The following GCH1 variants were observed in gnomAD, a reference collection of about 807,000 sequenced individuals.
GCH1 encodes the protein GTP cyclohydrolase I.
A neutral mutation model predicts 25.9 loss-of-function variants in GCH1; 5 were observed. The ratio of observed to expected loss-of-function variants is 0.19; its 90% CI spans 0.10 to 0.41. The LOEUF (loss-of-function observed/expected upper bound fraction) is 0.41. Ranked by LOEUF, GCH1 falls within the 10% of genes least tolerant of loss-of-function variation. The probability of loss-of-function intolerance (pLI) is 1.00; values close to 1 mark genes in which losing one functional copy is unlikely to be tolerated. For synonymous variants in GCH1, 159 were observed against 129.6 expected, an observed-to-expected ratio of 1.23 and a Z score of -1.54; for missense variants, 261 against 336.5, an observed-to-expected ratio of 0.78 and a Z score of 1.75.
chr14:54,902,586 A>T lies in GCH1; in HGVS notation c.78T>A (p.Asp26Glu). 1 of 1,495,302 alleles carries T rather than the reference A, an allele frequency of 6.7e-7. No homozygotes were observed. The highest frequency in any genetic ancestry group is 8.9e-7 in the Non-Finnish European group (1 of 1,124,628). 92.6% of individuals were successfully genotyped at this position (1,495,302 alleles called of 1,614,324 possible). Residue 26 changes from aspartate (D) to glutamate (E), a missense_variant, in exon 1 of 6, where the codon GAT (aspartate) becomes GAA (glutamate). Coordinates refer to ENST00000491895, the MANE Select transcript of GCH1 (RefSeq NM_000161.3). ...GCCTGCTGGGCCCGGGCCGCGGCGG[A>T]TCCCGCTCGGGGAACCCATTGCTGC... ...ARCSNGFPER[D>E]PPRPGPSRPA...
chr14:54,878,194 G>GT, intron 1 of GCH1: 1 of 154,656 alleles, frequency 6.5e-6, no homozygotes, highest in South Asian at 2.0e-4. Context: ...TGAACCCATA[G>GT]TATAGGAATT....
chr14:54,887,902 G>A (rs950077006), intron 1 of GCH1, among the ~76,000 whole-genome samples: 1 of 152,140 alleles, frequency 6.6e-6, no homozygotes, highest in Non-Finnish European at 1.5e-5. Flanking sequence ...AAATACATGA[G>A]ACTAACAGTG....
Position 54,843,381 on chromosome 14 carries a change from T to C in GCH1, c.*636A>G. On this transcript the variant is annotated 3_prime_UTR_variant, in exon 6 of 6. Transcript: ENST00000491895. ...AACAACACCAGGAACTAATTCCCTA[T>C]TCTTGAATTTAAAAACAATAGAAGG... The C allele has an allele frequency of 7.2e-6, 9 of 1,244,262 alleles. No homozygotes were observed. The highest frequency in any genetic ancestry group is 9.1e-6 in the Non-Finnish European group (9 of 994,376). The allele number at this position is 1,244,262 out of a possible 1,614,324, so 77.1% of individuals were successfully genotyped here.
At chr14:54,853,108 C>T (rs913830810) in intron 3 of GCH1, among the ~76,000 whole-genome samples, 4 of 152,086 alleles carry the variant, frequency 2.6e-5, no homozygotes, top group African/African-American at 7.2e-5. Context: ...GGACTACAGG[C>T]GTGTGCCACC....
intron 3 of GCH1, among the ~76,000 whole-genome samples, chr14:54,849,552 A>G (rs10133662): frequency 0.44 from 66,832 of 151,988 alleles, 16,555 homozygotes; most frequent in African/African-American, 0.68. Context: ...ATAAGTATAT[A>G]CTGCAATTTA....
At chr14:54,895,880 A>C (rs923026133) in intron 1 of GCH1, among the ~76,000 whole-genome samples, 25 of 152,178 alleles carry the variant, frequency 1.6e-4, no homozygotes, top group Non-Finnish European at 1.5e-5. Flanking sequence ...AAACCTATAC[A>C]ACCCTGACAC....
chr14:54,867,755 T>C (rs1047936741), intron 1 of GCH1, among the ~76,000 whole-genome samples: 4 of 152,172 alleles, frequency 2.6e-5, no homozygotes, highest in Non-Finnish European at 4.4e-5. Context: ...TTTAGAACTA[T>C]GCAGGCGGAG....
chr14:54,843,061 A>G lies in GCH1; in HGVS notation c.*956T>C, dbSNP rs1457966663. 1 of 1,148,152 alleles carries G rather than the reference A, an allele frequency of 8.7e-7. No homozygotes were observed. Among genetic ancestry groups the G allele is most frequent in the South Asian group, 1.2e-5 (1 of 80,830 alleles). The allele number at this position is 1,148,152 out of a possible 1,614,324, so 71.1% of individuals were successfully genotyped here. A position where few individuals can be genotyped will look rare whatever the true frequency, so the allele number is the denominator to read the frequency against. ...AAGCTATGGTTCTGCAGACCTGAAA[A>G]TGATGGGCACTCTCAAATGTTTCTG... On this transcript the variant is annotated 3_prime_UTR_variant, in exon 6 of 6. Transcript: ENST00000491895.
At position 54,898,992 on chromosome 14, in the gene GCH1, CACAA is replaced by C. The variant is rs200221050; in HGVS notation, c.343+3325_343+3328del. Among the ~76,000 whole-genome samples the C allele has an allele frequency of 8.2e-3, 1,245 of 152,212 alleles. 17 individuals carry two copies. Among genetic ancestry groups the C allele is most frequent in the African/African-American group, 0.029 (1,196 of 41,512 alleles). On this transcript the variant is annotated intron_variant, in intron 1 of 5. Transcript: ENST00000491895. ...GGGAGACGAGAGGAAAAAACTAAGA[CACAA>C]ACAAACACATTACTCTAGGCCTACA...
Position 54,843,058 on chromosome 14 carries a change from A to C in GCH1, c.*959T>G, listed in dbSNP as rs1360855037. On this transcript the variant is annotated 3_prime_UTR_variant, in exon 6 of 6. Coordinates refer to ENST00000491895, the MANE Select transcript of GCH1 (RefSeq NM_000161.3). ...TGGAAGCTATGGTTCTGCAGACCTG[A>C]AAATGATGGGCACTCTCAAATGTTT... 2.6e-6 allele frequency: 3 copies of C among 1,133,364 alleles called. No homozygotes were observed. Among genetic ancestry groups the C allele is most frequent in the Non-Finnish European group, 4.0e-6 (3 of 742,708 alleles). 70.2% of individuals were successfully genotyped at this position (1,133,364 alleles called of 1,614,324 possible).
intron 1 of GCH1, among the ~76,000 whole-genome samples, chr14:54,870,894 C>A (rs2140083419): frequency 6.6e-6 from 1 of 152,340 alleles, no homozygotes; most frequent in South Asian, 2.1e-4. Context: ...AGGAGCCCTG[C>A]CTGCCTCCGT....
At chr14:54,892,980 G>A (rs2040442363) in intron 1 of GCH1, among the ~76,000 whole-genome samples, 2 of 152,122 alleles carry the variant, frequency 1.3e-5, no homozygotes, top group African/African-American at 2.4e-5. Context: ...TCGGGAGGCC[G>A]AGGCAGGGTA....
At position 54,844,096 on chromosome 14, in the gene GCH1, G is replaced by C. The variant is rs2039602227; in HGVS notation, c.674C>G (p.Thr225Ser). 2.5e-6 allele frequency: 4 copies of C among 1,614,024 alleles called. No homozygotes were observed. The highest frequency in any genetic ancestry group is 3.4e-6 in the Non-Finnish European group (4 of 1,179,878). The stretch of plus-strand genomic sequence containing the variant: ...CACACCCAACATTGTGCTGGTCACA[G>C]TTTTGCTGTTCATTTTCTGTACACC... Reference protein sequence around the residue: ...MRGVQKMNSKTVTSTMLGVFR... With the variant: ...MRGVQKMNSKSVTSTMLGVFR... Residue 225 changes from threonine to serine, a missense_variant, in exon 6 of 6, where the codon ACT (threonine) becomes AGT (serine). Around this residue, in one of 3 missense-constraint regions of GCH1, gnomAD observed 130 missense variants for 184.1 expected, o/e 0.71. Transcript: ENST00000491895.
At chr14:54,870,926 G>C (rs940284862) in intron 1 of GCH1, among the ~76,000 whole-genome samples, 1 of 151,898 alleles carries the variant, frequency 6.6e-6, no homozygotes, top group South Asian at 2.1e-4. Flanking sequence ...CTGGGGGCAC[G>C]GCATAGCCGA....
chr14:54,869,641 C>T (rs7141483), intron 1 of GCH1, among the ~76,000 whole-genome samples: 31,382 of 151,958 alleles, frequency 0.21, 4,399 homozygotes, highest in East Asian at 0.41. Flanking sequence ...CCACCACGCC[C>T]AGCTAATTTT....
chr14:54,843,030 G>T lies in GCH1; in HGVS notation c.*987C>A. ...CAGTTCATTCTGTGCTCGTTCAGGTGCGTGGAAGCTATGGTTCTGCAGACC... is the reference window on the plus strand; with the variant it reads ...CAGTTCATTCTGTGCTCGTTCAGGTTCGTGGAAGCTATGGTTCTGCAGACC... On this transcript the variant is annotated 3_prime_UTR_variant, in exon 6 of 6. Coordinates refer to ENST00000491895, the MANE Select transcript of GCH1 (RefSeq NM_000161.3). 2 of 868,736 alleles carry T rather than the reference G, an allele frequency of 2.3e-6. No individual in the cohort carries two copies. Among genetic ancestry groups the T allele is most frequent in the Non-Finnish European group, 4.0e-6 (2 of 500,278 alleles). 53.8% of individuals were successfully genotyped at this position (868,736 alleles called of 1,614,324 possible).
chr14:54,894,020 C>A (rs182959899), intron 1 of GCH1, among the ~76,000 whole-genome samples: 1 of 152,088 alleles, frequency 6.6e-6, no homozygotes, highest in Non-Finnish European at 1.5e-5. Flanking sequence ...GCATTCCCAG[C>A]GTTCAGTGAA....
At chr14:54,892,948 G>C (rs1477879207) in intron 1 of GCH1, among the ~76,000 whole-genome samples, 1 of 151,976 alleles carries the variant, frequency 6.6e-6, no homozygotes, top group East Asian at 1.9e-4. Context: ...GCATGGTGGT[G>C]GGCACCTGTA....
At position 54,902,229 on chromosome 14, in the gene GCH1, G is replaced by A. The variant is rs1464517085; in HGVS notation, c.343+92C>T. On this transcript the variant is annotated intron_variant, in intron 1 of 5. Coordinates refer to ENST00000491895, the MANE Select transcript of GCH1 (RefSeq NM_000161.3). The stretch of plus-strand genomic sequence containing the variant: ...CCCGGCTTCCTGCGCCAAAAGTGAG[G>A]CAACTCCGGAAACTTCCTGGAGCCG... 11 of 1,369,186 alleles carry A rather than the reference G, an allele frequency of 8.0e-6. No homozygotes were observed. The East Asian group carries it at 2.4e-4, about 30-fold the overall frequency. 84.8% of individuals were successfully genotyped at this position (1,369,186 alleles called of 1,614,324 possible).
Sources: gnomAD v4.1 joint callset for allele counts (sites outside exome capture counted in the v4.1 genomes callset) on GRCh38, gnomAD v4.1.1 for gene constraint, gnomAD v4.1.1 regional missense constraint, MANE v1.5 for transcripts, NCBI Gene and HGNC (gene_info 2026-07-23, HGNC 2026-07-21) for gene names.